TMED3: variants seen among roughly 807,000 people sequenced by gnomAD.
TMED3 encodes the protein transmembrane p24 trafficking protein 3.
In TMED3, 9 loss-of-function variants were observed where a neutral mutation model predicts 15.0. The observed-to-expected ratio is 0.60, with a 90% CI of 0.36 to 1.04. TMED3 has a LOEUF of 1.04. TMED3 is among the 50% of genes least tolerant of loss of function. The pLI, the probability that TMED3 is intolerant of heterozygous loss-of-function variation, is 0.01. For synonymous variants in TMED3, 117 were observed against 121.4 expected (o/e 0.96, Z 0.24); for missense variants, 267 against 278.9 (o/e 0.96, Z 0.30).
chr15:79,367,382 T>C (rs1893256567), intron 2 of TMED3, among the ~76,000 whole-genome samples: 1 of 152,178 alleles, frequency 6.6e-6, no homozygotes, highest in East Asian at 1.9e-4. Flanking sequence ...AGGTTTTTAT[T>C]TGTAGGGCAC....
intron 2 of TMED3, among the ~76,000 whole-genome samples, chr15:79,363,925 A>C (rs920562628): frequency 1.3e-5 from 2 of 152,192 alleles, no homozygotes; most frequent in Non-Finnish European, 2.9e-5. Flanking sequence ...GATGTCTTAC[A>C]GGTAAGGGTT....
intron 2 of TMED3, among the ~76,000 whole-genome samples, chr15:79,387,600 A>G (rs898078534): frequency 7.5e-5 from 11 of 146,634 alleles, no homozygotes; most frequent in African/African-American, 9.8e-5. Flanking sequence ...ACCTGCACAC[A>G]CACACACACA....
intron 2 of TMED3, among the ~76,000 whole-genome samples, chr15:79,335,112 A>T (rs2058822630): frequency 6.6e-6 from 1 of 152,242 alleles, no homozygotes; most frequent in African/African-American, 2.4e-5. Flanking sequence ...TCCATCATGC[A>T]GGTAATTGGT....
chr15:79,385,827 T>C (rs1477917289), intron 2 of TMED3, among the ~76,000 whole-genome samples: 1 of 152,236 alleles, frequency 6.6e-6, no homozygotes, highest in Admixed American at 6.5e-5. Context: ...GAGCTCCCAC[T>C]GGCTTCATGG....
intron 2 of TMED3, among the ~76,000 whole-genome samples, chr15:79,382,542 G>A (rs997125429): frequency 3.9e-5 from 6 of 152,306 alleles, no homozygotes; most frequent in Non-Finnish European, 5.9e-5. Context: ...TGCCTGGCCT[G>A]CACTGGCAGC....
downstream of TMED3, among the ~76,000 whole-genome samples, chr15:79,324,136 A>G (rs62025042): frequency 0.011 from 1,624 of 151,986 alleles, 8 homozygotes; most frequent in Middle Eastern, 0.024. Context: ...GACTACAGGC[A>G]CCCGCCACCA....
At chr15:79,314,163 G>A (rs1567021209) in intron 2 of TMED3, among the ~76,000 whole-genome samples, 158 bp downstream of exon 2, 1 of 152,194 alleles carries the variant, frequency 6.6e-6, no homozygotes, top group Non-Finnish European at 1.5e-5. Context: ...TAGTCCTAAA[G>A]GATGCCATGC....
chr15:79,365,229 G>C (rs1893209357), intron 2 of TMED3, among the ~76,000 whole-genome samples: 1 of 152,224 alleles, frequency 6.6e-6, no homozygotes, highest in Non-Finnish European at 1.5e-5. Context: ...CAAAGCAGGG[G>C]CCCACAGGTC....
Position 79,383,168 on chromosome 15 carries a change from C to G in TMED3, c.418-28232C>G, listed in dbSNP as rs1044281323. On this transcript the variant is annotated intron_variant, in intron 2 of 2. Transcript: ENST00000424155. ...CCTGCCTTGTCCACTCTCACCTGCACCAGTTATTGCTTACGTGGTAATCAG... is the reference window on the plus strand; with the variant it reads ...CCTGCCTTGTCCACTCTCACCTGCAGCAGTTATTGCTTACGTGGTAATCAG... The G allele has an allele frequency of 1.8e-5, 13 of 713,742 alleles. No individual in the cohort carries two copies. In the Admixed American group the frequency reaches 2.5e-4, roughly 14 times the overall value. The allele number at this position is 713,742 out of a possible 1,614,324, so 44.2% of individuals were successfully genotyped here.
At chr15:79,389,832 T>A (rs1226918109) in intron 2 of TMED3, among the ~76,000 whole-genome samples, 1 of 152,114 alleles carries the variant, frequency 6.6e-6, no homozygotes, top group African/African-American at 2.4e-5. Context: ...TCCTAAGTTT[T>A]GTTTTGTTTT....
chr15:79,410,724 G>C (rs568122199), intron 2 of TMED3, among the ~76,000 whole-genome samples: 1 of 145,724 alleles, frequency 6.9e-6, no homozygotes, highest in Non-Finnish European at 1.5e-5. Flanking sequence ...ATACATTCTC[G>C]TAGATGCATG....
chr15:79,408,122 C>T (rs1893925989), intron 2 of TMED3, among the ~76,000 whole-genome samples: 1 of 152,180 alleles, frequency 6.6e-6, no homozygotes, highest in African/African-American at 2.4e-5. Flanking sequence ...TCCTCAATAT[C>T]CTGACCTTCC....
chr15:79,343,904 G>A (rs2058859921), intron 2 of TMED3, among the ~76,000 whole-genome samples: 1 of 152,172 alleles, frequency 6.6e-6, no homozygotes, highest in African/African-American at 2.4e-5. Context: ...TTTTGGCCAT[G>A]TTAAGTTGGA....
At chr15:79,323,736 G>A (rs549878282), downstream of TMED3, among the ~76,000 whole-genome samples, 153 of 152,194 alleles carry the variant, frequency 1.0e-3, 1 homozygote, top group Non-Finnish European at 1.4e-3. Flanking sequence ...TAAAACTCAC[G>A]TTGTCTTCCA....
At chr15:79,332,240 A>G (rs142052896) in intron 2 of TMED3, among the ~76,000 whole-genome samples, 93 of 152,378 alleles carry the variant, frequency 6.1e-4, no homozygotes, top group African/African-American at 2.2e-3. Context: ...TAGAGCAGGT[A>G]GATACCGCCA....
intron 2 of TMED3, chr15:79,383,183 G>C: frequency 1.5e-6 from 1 of 665,982 alleles, no homozygotes; most frequent in Non-Finnish European, 2.6e-6. Context: ...TATTGCTTAC[G>C]TGGTAATCAG....
chr15:79,329,860 A>G (rs1054158442), intron 2 of TMED3, among the ~76,000 whole-genome samples: 1 of 152,248 alleles, frequency 6.6e-6, no homozygotes, highest in East Asian at 1.9e-4. Context: ...TTTAAGCAGC[A>G]TGATAAATAT....
chr15:79,324,205 A>G (rs2058779284), downstream of TMED3, among the ~76,000 whole-genome samples: 3 of 152,228 alleles, frequency 2.0e-5, no homozygotes, highest in African/African-American at 4.8e-5. Context: ...GTTAGCCAGG[A>G]TGGTCTCGAT....
At chr15:79,371,697 G>A (rs969515080) in intron 2 of TMED3, among the ~76,000 whole-genome samples, 1 of 152,154 alleles carries the variant, frequency 6.6e-6, no homozygotes, top group Non-Finnish European at 1.5e-5. Context: ...AGGACTAGAG[G>A]CATCTCTTGG....
Sources: gnomAD v4.1 joint callset for allele counts (sites outside exome capture counted in the v4.1 genomes callset) on GRCh38, gnomAD v4.1.1 for gene constraint, MANE v1.5 for transcripts, NCBI Gene and HGNC (gene_info 2026-07-23, HGNC 2026-07-21) for gene names.